RYR3: variants seen among roughly 807,000 people sequenced by gnomAD.
RYR3 encodes the protein brain ryanodine receptor-calcium release channel.
A neutral mutation model predicts 584.3 loss-of-function variants in RYR3; 207 were observed. The observed-to-expected ratio is 0.35, with a 90% confidence interval of 0.32 to 0.40. RYR3 has a LOEUF of 0.40. Ranked by LOEUF, RYR3 falls within the 10% of genes least tolerant of loss-of-function variation. The probability of loss-of-function intolerance (pLI) is 1.00; values close to 1 mark genes in which losing one functional copy is unlikely to be tolerated. For missense variants in RYR3, 5,616 were observed against 6,089.2 expected, an observed-to-expected ratio of 0.92 and a Z score of 2.59; for synonymous variants, 2,416 against 2,248.5, an observed-to-expected ratio of 1.07 and a Z score of -2.11.
chr15:33,607,344 G>A (rs34849201), intron 18 of RYR3, among the ~76,000 whole-genome samples: 85 of 152,078 alleles, frequency 5.6e-4, no homozygotes, highest in Non-Finnish European at 1.0e-3. Context: ...TCATATTATC[G>A]GGTTTGGAAT....
chr15:33,438,678 A>G (rs982362394), intron 1 of RYR3, among the ~76,000 whole-genome samples: 3 of 152,230 alleles, frequency 2.0e-5, no homozygotes, highest in Non-Finnish European at 4.4e-5. Flanking sequence ...GATAACGGAC[A>G]TATTCACAAT....
chr15:33,810,686 C>T (rs1240075484), intron 71 of RYR3, 37 bp downstream of exon 71: 1 of 1,612,790 alleles, frequency 6.2e-7, no homozygotes. Context: ...GTGTGTGATC[C>T]ACATGGTGCA....
chr15:33,581,520 CTTGTCTTAAATTGCA>C lies in RYR3; in HGVS notation c.1454_1468del (p.Val485_Ile489del). Reference sequence around the variant, plus strand: ...CTCTCCTTCTCAGGGAATGTTGGCCCTTGTCTTAAATTGCATTGACCGCTTAAATGTCTACAATAG... The same window carrying C: ...CTCTCCTTCTCAGGGAATGTTGGCCCTTGACCGCTTAAATGTCTACAATAG... On this transcript the variant is annotated inframe_deletion, in exon 14 of 104. Coordinates refer to ENST00000634891, the MANE Select transcript of RYR3 (RefSeq NM_001036.6). 6.2e-7 allele frequency: 1 copy of C among 1,613,638 alleles called. No individual in the cohort carries two copies. The highest frequency in any genetic ancestry group is 8.5e-7 in the Non-Finnish European group (1 of 1,179,618).
intron 16 of RYR3, among the ~76,000 whole-genome samples, chr15:33,600,360 C>T (rs571626601): frequency 6.6e-6 from 1 of 152,126 alleles, no homozygotes. Flanking sequence ...TTGGCGCAAC[C>T]TGCCATATCG....
chr15:33,811,054 G>T lies in RYR3; in HGVS notation c.10257+17G>T. 4 of 1,601,830 alleles carry T rather than the reference G, an allele frequency of 2.5e-6. No individual in the cohort carries two copies. The highest frequency in any genetic ancestry group is 2.6e-6 in the Non-Finnish European group (3 of 1,173,758). On this transcript the variant is annotated intron_variant, in intron 72 of 103. Transcript: ENST00000634891. ...CAGGAAAAGGTGATGACTCAGGACA[G>T]CAGTGAGAACTCACACCGGCTTTCC...
chr15:33,356,062 T>C lies in RYR3; in HGVS notation c.51+44966T>C, dbSNP rs149654080. Among the ~76,000 whole-genome samples, 7 of 152,224 alleles carry C rather than the reference T, an allele frequency of 4.6e-5. No individual in the cohort carries two copies. The East Asian group carries it at 1.2e-3, about 25-fold the overall frequency. ...GGCGGGGGGTTCTCAGTTTCAGAGATAGATAAGAACTGTGAGTATAGATTT... is the reference window on the plus strand; with the variant it reads ...GGCGGGGGGTTCTCAGTTTCAGAGACAGATAAGAACTGTGAGTATAGATTT... On this transcript the variant is annotated intron_variant, in intron 1 of 103. Coordinates refer to ENST00000634891, the MANE Select transcript of RYR3 (RefSeq NM_001036.6).
intron 81 of RYR3, among the ~76,000 whole-genome samples, chr15:33,823,438 G>C (rs1049896792): frequency 6.6e-6 from 1 of 152,194 alleles, no homozygotes; most frequent in Non-Finnish European, 1.5e-5. Flanking sequence ...ATGGAAAAGG[G>C]GGGATTCCTG....
chr15:33,613,627 TTAA>T (rs2060305986), intron 19 of RYR3, among the ~76,000 whole-genome samples: 2 of 152,148 alleles, frequency 1.3e-5, no homozygotes, highest in East Asian at 3.9e-4. Flanking sequence ...GTGTAGAAAA[TTAA>T]TAATTATAAA....
intron 69 of RYR3, 41 bp downstream of exon 69, chr15:33,802,002 A>G (rs1349764319): frequency 4.4e-6 from 5 of 1,136,990 alleles, no homozygotes; most frequent in Non-Finnish European, 6.7e-6. Context: ...CTTCAACCCT[A>G]ACCTCAGCCA....
chr15:33,761,625 C>T (rs1252620129), intron 60 of RYR3, among the ~76,000 whole-genome samples: 1 of 152,076 alleles, frequency 6.6e-6, no homozygotes, highest in African/African-American at 2.4e-5. Context: ...GCCTACCAAC[C>T]AAAAAAGGCC....
intron 1 of RYR3, among the ~76,000 whole-genome samples, chr15:33,459,301 A>G (rs1250366370): frequency 1.3e-5 from 2 of 152,242 alleles, no homozygotes; most frequent in African/African-American, 4.8e-5. Context: ...AAAATGAGTT[A>G]TATCCCTTCC....
intron 16 of RYR3, among the ~76,000 whole-genome samples, chr15:33,587,255 A>G (rs2058900445): frequency 6.6e-6 from 1 of 152,240 alleles, no homozygotes; most frequent in Non-Finnish European, 1.5e-5. Context: ...TCTGCGTTCC[A>G]ACATGTTCCT....
intron 1 of RYR3, among the ~76,000 whole-genome samples, chr15:33,394,932 G>A (rs2042211210): frequency 1.3e-5 from 2 of 151,082 alleles, no homozygotes; most frequent in Non-Finnish European, 2.9e-5. Flanking sequence ...GACATGAGGA[G>A]TTTTAAAAAA....
At chr15:33,517,338 A>G (rs1234773818) in intron 3 of RYR3, among the ~76,000 whole-genome samples, 1 of 152,194 alleles carries the variant, frequency 6.6e-6, no homozygotes, top group Non-Finnish European at 1.5e-5. Flanking sequence ...TTTATAATCC[A>G]GTGATTGAAA....
At position 33,311,370 on chromosome 15, in the gene RYR3, T is replaced by G. The variant is rs1303767567; in HGVS notation, c.51+274T>G. Among the ~76,000 whole-genome samples the G allele has an allele frequency of 1.3e-5, 2 of 152,170 alleles. No homozygotes were observed. The highest frequency in any genetic ancestry group is 6.5e-5 in the Admixed American group (1 of 15,276). Reference sequence around the variant, plus strand: ...AGGACCGCTCGCTCTCCAGGCAACTTGCTACTTGGTCTGAAACCCTTGATG... The same window carrying G: ...AGGACCGCTCGCTCTCCAGGCAACTGGCTACTTGGTCTGAAACCCTTGATG... On this transcript the variant is annotated intron_variant, in intron 1 of 103. Coordinates refer to ENST00000634891, the MANE Select transcript of RYR3 (RefSeq NM_001036.6). The surrounding 1 kb of genome is among the most constrained non-coding windows in gnomAD (Gnocchi z 4.4).
intron 12 of RYR3, among the ~76,000 whole-genome samples, chr15:33,570,078 T>C (rs1219195095): frequency 1.3e-5 from 2 of 152,138 alleles, no homozygotes; most frequent in Admixed American, 1.3e-4. Context: ...AACGTTTTAA[T>C]TTTTGATTAA....
At chr15:33,660,158 T>C in intron 33 of RYR3, 39 bp from the exon 34 acceptor site, 1 of 1,403,738 alleles carries the variant, frequency 7.1e-7, no homozygotes, top group Non-Finnish European at 9.9e-7. Context: ...ATCCAGCAAC[T>C]GTGTGTTTCT....
At chr15:33,444,231 TCTG>T (rs1167747959) in intron 1 of RYR3, among the ~76,000 whole-genome samples, 2 of 152,226 alleles carry the variant, frequency 1.3e-5, no homozygotes, top group African/African-American at 2.4e-5. Flanking sequence ...CACTAATTAT[TCTG>T]CTCTGGGAGC....
intron 1 of RYR3, among the ~76,000 whole-genome samples, chr15:33,391,303 G>C (rs547265837): frequency 6.6e-6 from 1 of 152,338 alleles, no homozygotes; most frequent in East Asian, 1.9e-4. Context: ...ACAAGTGCAA[G>C]ATTGCATGTT....
Sources: allele counts gnomAD v4.1 joint callset (sites outside exome capture counted in the v4.1 genomes callset), GRCh38; gene constraint gnomAD v4.1.1; non-coding constraint Gnocchi (gnomAD v3.1); transcripts MANE v1.5; gene names NCBI Gene and HGNC (gene_info 2026-07-23, HGNC 2026-07-21).